PLCB1: variants seen among roughly 807,000 people sequenced by gnomAD.
The protein encoded by PLCB1 is phospholipase C beta 1, also known as 1-phosphatidylinositol 4,5-bisphosphate phosphodiesterase beta-1.
Under a neutral mutation model 161.8 loss-of-function variants are expected in PLCB1, and 46 were observed. The observed-to-expected ratio is 0.28, with a 90% CI of 0.22 to 0.36. The LOEUF (loss-of-function observed/expected upper bound fraction) is 0.36. PLCB1 is among the 10% of genes least tolerant of loss of function. The pLI is 1.00. For missense variants in PLCB1, 1,016 were observed against 1,472.5 expected (o/e 0.69, Z 5.07); for synonymous variants, 517 against 503.7 (o/e 1.03, Z -0.35).
intron 3 of PLCB1, among the ~76,000 whole-genome samples, chr20:8,390,905 A>G (rs758981670): frequency 1.3e-5 from 2 of 151,844 alleles, no homozygotes; most frequent in Non-Finnish European, 2.9e-5. Context: ...TCTGAATTAC[A>G]GGAATAATCG....
At position 8,685,146 on chromosome 20, in the gene PLCB1, T is replaced by C. The variant is rs2273190; in HGVS notation, c.1009+68T>C. On this transcript the variant is annotated intron_variant, in intron 10 of 31. Transcript: ENST00000338037. The stretch of plus-strand genomic sequence containing the variant: ...AAATTTCACCAACCTCTACTTTCTG[T>C]TGTTCGGAAGCTGAAGTGTGTTTTC... 0.078 allele frequency: 112,893 copies of C among 1,446,368 alleles called. 6,992 individuals are homozygous for C. Among genetic ancestry groups the C allele is most frequent in the East Asian group, 0.34 (14,866 of 43,656 alleles). The allele number at this position is 1,446,368 out of a possible 1,614,324, so 89.6% of individuals were successfully genotyped here.
At position 8,683,939 on chromosome 20, in the gene PLCB1, A is replaced by G. The variant is rs953875098; in HGVS notation, c.863-993A>G. Among the ~76,000 whole-genome samples the G allele has an allele frequency of 2.7e-5, 4 of 150,830 alleles. No homozygotes were observed. In the South Asian group the frequency reaches 6.3e-4, roughly 24 times the overall value. On this transcript the variant is annotated intron_variant, in intron 9 of 31. Transcript: ENST00000338037. ...CGCTCTGTCACCCAGGCTGGAGTGT[A>G]GTGGTGCGATCTCAGCTCACTGCAA...
At chr20:8,395,668 C>T (rs1987749898) in intron 3 of PLCB1, among the ~76,000 whole-genome samples, 2 of 151,928 alleles carry the variant, frequency 1.3e-5, no homozygotes, top group African/African-American at 2.4e-5. Flanking sequence ...TAAGTAATAG[C>T]GAACTAGACT....
chr20:8,769,326 G>A (rs1356703098), intron 26 of PLCB1, among the ~76,000 whole-genome samples: 3 of 151,434 alleles, frequency 2.0e-5, no homozygotes, highest in South Asian at 2.1e-4. Flanking sequence ...AAAGTGTATC[G>A]TTTAGAAGAC....
intron 3 of PLCB1, among the ~76,000 whole-genome samples, chr20:8,582,845 C>T (rs1014001422): frequency 2.1e-4 from 32 of 151,880 alleles, no homozygotes; most frequent in Admixed American, 1.3e-3. Flanking sequence ...AAAAATTAGC[C>T]GGACATAGTG....
At chr20:8,344,460 C>T (rs1370991821) in intron 2 of PLCB1, among the ~76,000 whole-genome samples, 1 of 152,222 alleles carries the variant, frequency 6.6e-6, no homozygotes, top group Non-Finnish European at 1.5e-5. Flanking sequence ...TTCTCTATTG[C>T]ATGGTGCACT....
At chr20:8,211,571 A>G (rs897485102) in intron 2 of PLCB1, among the ~76,000 whole-genome samples, 1 of 152,114 alleles carries the variant, frequency 6.6e-6, no homozygotes. Flanking sequence ...AGGGATATAG[A>G]TTGGTCTATA....
chr20:8,414,340 A>G lies in PLCB1; in HGVS notation c.246+42890A>G, dbSNP rs112343866. On this transcript the variant is annotated intron_variant, in intron 3 of 31. Coordinates refer to ENST00000338037, the MANE Select transcript of PLCB1 (RefSeq NM_015192.4). ...GTAATTGCCCCACACTATCTTCTAC[A>G]AGAAACAAAAACAAAAAACAAACAA... is the stretch of plus-strand genomic sequence containing the variant. Among the ~76,000 whole-genome samples the G allele has an allele frequency of 1.5e-3, 227 of 152,334 alleles. 1 individual carries two copies. Among genetic ancestry groups the G allele is most frequent in the African/African-American group, 5.3e-3 (220 of 41,578 alleles).
chr20:8,219,378 G>A (rs551785517), intron 2 of PLCB1, among the ~76,000 whole-genome samples: 1 of 152,244 alleles, frequency 6.6e-6, no homozygotes, highest in African/African-American at 2.4e-5. Context: ...ACTGCTGTGG[G>A]TGAGAACTTC....
At chr20:8,148,819 A>G (rs2051480617) in intron 1 of PLCB1, among the ~76,000 whole-genome samples, 1 of 152,224 alleles carries the variant, frequency 6.6e-6, no homozygotes, top group Non-Finnish European at 1.5e-5. Flanking sequence ...ATACAATTTT[A>G]CTTATATAAC....
At chr20:8,218,716 G>T (rs141329916) in intron 2 of PLCB1, among the ~76,000 whole-genome samples, 6 of 151,832 alleles carry the variant, frequency 4.0e-5, no homozygotes, top group Non-Finnish European at 4.4e-5. Flanking sequence ...CTCAAGGAAG[G>T]GGCAATGCTA....
At chr20:8,240,305 C>CACGT (rs1555792317) in intron 2 of PLCB1, among the ~76,000 whole-genome samples, 2 of 146,866 alleles carry the variant, frequency 1.4e-5, no homozygotes, top group African/African-American at 5.3e-5. Flanking sequence ...CACACACACA[C>CACGT]GCACACACAC....
chr20:8,622,605 C>T (rs980064349), intron 3 of PLCB1, among the ~76,000 whole-genome samples: 1 of 152,188 alleles, frequency 6.6e-6, no homozygotes, highest in African/African-American at 2.4e-5. Flanking sequence ...TTCATTCTGT[C>T]TCCAAATGGC....
chr20:8,532,980 A>G lies in PLCB1; in HGVS notation c.247-95314A>G, dbSNP rs1237233068. On this transcript the variant is annotated intron_variant, in intron 3 of 31. Coordinates refer to ENST00000338037, the MANE Select transcript of PLCB1 (RefSeq NM_015192.4). ...TGCACCCATTAACTCATCATTTAGC[A>G]TTAGGTATATCTCCTAATGCTATCC... Among the ~76,000 whole-genome samples, 4 of 151,714 alleles carry G rather than the reference A, an allele frequency of 2.6e-5. No individual in the cohort carries two copies. In the East Asian group the frequency reaches 7.8e-4, roughly 29 times the overall value.
At chr20:8,813,205 G>A (rs1984916193) in intron 31 of PLCB1, among the ~76,000 whole-genome samples, 1 of 152,194 alleles carries the variant, frequency 6.6e-6, no homozygotes, top group African/African-American at 2.4e-5. Context: ...CTTAGGTGGA[G>A]CCTGCATTTT....
intron 23 of PLCB1, among the ~76,000 whole-genome samples, chr20:8,750,366 C>G (rs1275817675): frequency 6.6e-6 from 1 of 152,172 alleles, no homozygotes; most frequent in Non-Finnish European, 1.5e-5. Context: ...CTAACTCACC[C>G]TGGTAGACTC....
At chr20:8,425,177 G>A (rs1429482186) in intron 3 of PLCB1, among the ~76,000 whole-genome samples, 2 of 148,808 alleles carry the variant, frequency 1.3e-5, no homozygotes, top group African/African-American at 5.0e-5. Context: ...TCTGGGCTGC[G>A]TTCTGTCCTT....
At chr20:8,787,503 T>A (rs1983546367) in intron 27 of PLCB1, among the ~76,000 whole-genome samples, 1 of 152,218 alleles carries the variant, frequency 6.6e-6, no homozygotes, top group Admixed American at 6.5e-5. Context: ...AATCTCCATC[T>A]ATGGGAAAAG....
rs571825708 is a variant in PLCB1 at position 8,739,394 on chromosome 20, A to G, written c.2308+34A>G. 81 of 1,300,846 alleles carry G rather than the reference A, an allele frequency of 6.2e-5. No homozygotes were observed. The South Asian group carries it at 8.2e-4, about 13-fold the overall frequency. The allele number at this position is 1,300,846 out of a possible 1,614,324, so 80.6% of individuals were successfully genotyped here. A position where few individuals can be genotyped will look rare whatever the true frequency, so the allele number is the denominator to read the frequency against. ...AGTGTGCTGAGAAACCTTTTATCAA[A>G]GTTGCAAAGAAAATCATTACTGCTT... On this transcript the variant is annotated intron_variant, in intron 21 of 31. Coordinates refer to ENST00000338037, the MANE Select transcript of PLCB1 (RefSeq NM_015192.4).
Sources: allele counts gnomAD v4.1 joint callset (sites outside exome capture counted in the v4.1 genomes callset), GRCh38; gene constraint gnomAD v4.1.1; transcripts MANE v1.5; gene names NCBI Gene and HGNC (gene_info 2026-07-23, HGNC 2026-07-21).